The following RGS6 variants were observed in gnomAD, a reference collection of about 807,000 sequenced individuals.
The protein encoded by RGS6 is regulator of G-protein signaling 6.
RGS6 carries 30 observed loss-of-function variants against 78.5 expected under a neutral mutation model. That is an observed-to-expected ratio of 0.38 (90% confidence interval 0.29 to 0.52). The LOEUF is 0.52. Among genes scored for constraint, RGS6 ranks in the 20% least tolerant of loss-of-function variants. The pLI is 0.85. For missense variants in RGS6, 495 were observed against 609.7 expected (o/e 0.81, Z 1.98); for synonymous variants, 206 against 206.0 (o/e 1.00, Z 0.00).
chr14:72,131,919 C>T (rs149975058), intron 2 of RGS6, among the ~76,000 whole-genome samples: 275 of 152,280 alleles, frequency 1.8e-3, no homozygotes, highest in African/African-American at 5.7e-3. Flanking sequence ...GTTATACTGT[C>T]GGTTGTTTTT....
Position 72,220,354 on chromosome 14 carries a change from C to G in RGS6, c.85-131741C>G, listed in dbSNP as rs908760776. On this transcript the variant is annotated intron_variant, in intron 2 of 17. Coordinates refer to ENST00000553525, the MANE Select transcript of RGS6 (RefSeq NM_001204424.2). ...CAGAGATTCTGTAAACTACTTATATCCTTTATTGATCCTTTTCTACTTAGC... is the reference window on the plus strand; with the variant it reads ...CAGAGATTCTGTAAACTACTTATATGCTTTATTGATCCTTTTCTACTTAGC... Among the ~76,000 whole-genome samples, 7 of 152,144 alleles carry G rather than the reference C, an allele frequency of 4.6e-5. No individual in the cohort carries two copies. In the East Asian group the frequency reaches 1.4e-3, roughly 29 times the overall value.
chr14:72,450,661 AAG>A (rs1274399097), intron 3 of RGS6, among the ~76,000 whole-genome samples: 2 of 152,230 alleles, frequency 1.3e-5, no homozygotes, highest in African/African-American at 4.8e-5. Context: ...CAGCTTGACT[AAG>A]ATAAGATCCA....
chr14:72,554,648 A>C (rs2097546667), intron 17 of RGS6, among the ~76,000 whole-genome samples: 1 of 152,164 alleles, frequency 6.6e-6, no homozygotes, highest in Non-Finnish European at 1.5e-5. Context: ...CCTTACAGGC[A>C]GAATGCCACC....
chr14:72,257,960 A>C (rs2057405188), intron 2 of RGS6, among the ~76,000 whole-genome samples: 1 of 152,236 alleles, frequency 6.6e-6, no homozygotes, highest in Non-Finnish European at 1.5e-5. Flanking sequence ...CTGAATTCAA[A>C]CAGCTAATTC....
At chr14:71,978,882 C>T (rs572481543) in intron 2 of RGS6, among the ~76,000 whole-genome samples, 146 of 146,204 alleles carry the variant, frequency 1.0e-3, no homozygotes, top group Middle Eastern at 3.5e-3. Context: ...CGCTGTGAAT[C>T]CATCTGGTCC....
intron 2 of RGS6, among the ~76,000 whole-genome samples, chr14:72,107,370 G>C (rs2095655438): frequency 6.6e-6 from 1 of 152,106 alleles, no homozygotes; most frequent in Non-Finnish European, 1.5e-5. Context: ...CTTGGCTCTT[G>C]ATTCCTTTTG....
intron 2 of RGS6, among the ~76,000 whole-genome samples, chr14:72,250,278 A>G (rs1479941566): frequency 6.6e-6 from 1 of 151,700 alleles, no homozygotes; most frequent in Non-Finnish European, 1.5e-5. Flanking sequence ...CTGTTTAATG[A>G]TTGTTGCACT....
chr14:72,184,588 A>T (rs948843306), intron 2 of RGS6, among the ~76,000 whole-genome samples: 2 of 152,200 alleles, frequency 1.3e-5, no homozygotes, highest in Non-Finnish European at 2.9e-5. Flanking sequence ...CCTATCACAG[A>T]TATTCCAGAT....
At chr14:72,155,619 G>T (rs537752817) in intron 2 of RGS6, among the ~76,000 whole-genome samples, 1 of 152,292 alleles carries the variant, frequency 6.6e-6, no homozygotes, top group African/African-American at 2.4e-5. Flanking sequence ...TAGTGGTTTG[G>T]ATTCTTTACG....
chr14:72,454,502 C>T, intron 3 of RGS6, 26 bp from the exon 4 acceptor site: 5 of 1,612,708 alleles, frequency 3.1e-6, no homozygotes, highest in South Asian at 1.1e-5. Flanking sequence ...AGGAGGTCTT[C>T]AGCTGAAATT....
chr14:72,599,754 C>A, the RGS6 span, among the ~76,000 whole-genome samples: 3 of 151,934 alleles, frequency 2.0e-5, no homozygotes, highest in South Asian at 6.3e-4. Flanking sequence ...CAGTCACAGC[C>A]CCTGATGAGA....
At chr14:72,455,203 C>T (rs1329673127) in intron 4 of RGS6, among the ~76,000 whole-genome samples, 2 of 152,098 alleles carry the variant, frequency 1.3e-5, no homozygotes, top group South Asian at 2.1e-4. Context: ...AAGCTTATTC[C>T]CATGTGCTGT....
chr14:72,057,313 G>GGAAAAAAAAAAAAA (rs1344219538), intron 2 of RGS6, among the ~76,000 whole-genome samples: 1 of 56,174 alleles, frequency 1.8e-5, no homozygotes, highest in Non-Finnish European at 3.2e-5. Flanking sequence ...GACTCTATCT[G>GGAAAAAAAAAAAAA]AAAAAAAAAA....
intron 17 of RGS6, among the ~76,000 whole-genome samples, chr14:72,559,360 C>T (rs79742276): frequency 6.6e-6 from 1 of 152,324 alleles, no homozygotes; most frequent in African/African-American, 2.4e-5. Context: ...AGCTGCTGAG[C>T]AAGTGTGATT....
intron 2 of RGS6, among the ~76,000 whole-genome samples, chr14:72,136,217 C>A (rs1421761591): frequency 2.0e-5 from 3 of 152,100 alleles, no homozygotes; most frequent in Non-Finnish European, 2.9e-5. Flanking sequence ...TACACTCCCA[C>A]TATCACCCAA....
At chr14:71,932,106 G>T (rs1161140189), upstream of RGS6, among the ~76,000 whole-genome samples, 1 of 152,208 alleles carries the variant, frequency 6.6e-6, no homozygotes, top group Admixed American at 6.5e-5. Context: ...TGGAATTGAC[G>T]AAAGCAGCCT....
intron 17 of RGS6, chr14:72,550,575 G>T: frequency 6.5e-7 from 1 of 1,535,460 alleles, no homozygotes; most frequent in Non-Finnish European, 8.7e-7. Context: ...ATCTTCTGCA[G>T]CAAAAGTGGT....
intron 3 of RGS6, among the ~76,000 whole-genome samples, chr14:72,380,428 C>T (rs533354586): frequency 6.6e-6 from 1 of 150,600 alleles, no homozygotes; most frequent in African/African-American, 2.4e-5. Flanking sequence ...GACAGGAGGT[C>T]AATATCCAGA....
At chr14:71,980,354 T>C (rs991595180) in intron 2 of RGS6, among the ~76,000 whole-genome samples, 14 of 150,602 alleles carry the variant, frequency 9.3e-5, no homozygotes, top group East Asian at 5.9e-4. Flanking sequence ...TTCTTCCTAG[T>C]CTCGATGGTC....
Sources: allele counts gnomAD v4.1 joint callset (sites outside exome capture counted in the v4.1 genomes callset), GRCh38; gene constraint gnomAD v4.1.1; transcripts MANE v1.5; gene names NCBI Gene and HGNC (gene_info 2026-07-23, HGNC 2026-07-21).